KLC2: variants seen among roughly 807,000 people sequenced by gnomAD.
KLC2 encodes the protein KLC 2.
Under a neutral mutation model 75.1 loss-of-function variants are expected in KLC2, and 35 were observed. That is an observed-to-expected ratio of 0.47 (90% CI 0.36 to 0.62). KLC2 has a LOEUF of 0.62. Among genes scored for constraint, KLC2 ranks in the 20% least tolerant of loss-of-function variants. KLC2 has a pLI of 0.00. For synonymous variants in KLC2, 314 were observed against 336.7 expected (o/e 0.93, Z 0.74); for missense variants, 611 against 833.2 (o/e 0.73, Z 3.28).
upstream of KLC2, among the ~76,000 whole-genome samples, chr11:66,253,031 CAG>C (rs911225740): frequency 2.3e-5 from 3 of 129,058 alleles, no homozygotes; most frequent in African/African-American, 5.8e-5. Flanking sequence ...TTTTTTGAGA[CAG>C]AGTCTCACTC....
Position 66,265,887 on chromosome 11 carries a change from G to A in KLC2, c.1477G>A (p.Glu493Lys), listed in dbSNP as rs202239902. The A allele has an allele frequency of 1.7e-5, 27 of 1,578,444 alleles. No individual in the cohort carries two copies. The East Asian group carries it at 4.3e-4, about 25-fold the overall frequency. ...CCCCGCAAGCCAGACCAAGGTGGTA[G>A]AACTGCTGAAAGATGGCAGTGGCAG... ...LDPASQTKVV[E>K]LLKDGSGRRG... is the part of the protein sequence containing the mutation. The change falls in exon 13 of 16, where the codon GAA becomes AAA. Residue 493 changes from glutamate (E) to lysine (K), a missense_variant. Transcript: ENST00000394067.
At chr11:66,247,058 C>G in the KLC2 span, among the ~76,000 whole-genome samples, 6 of 152,176 alleles carry the variant, frequency 3.9e-5, no homozygotes, top group Non-Finnish European at 7.3e-5. Context: ...GGAGACTTCC[C>G]TCCTAGTAAA....
the KLC2 span, among the ~76,000 whole-genome samples, chr11:66,249,821 G>A: frequency 2.0e-5 from 3 of 152,048 alleles, no homozygotes; most frequent in Non-Finnish European, 2.9e-5. Flanking sequence ...CCAGAAACCC[G>A]GACTCATCCT....
chr11:66,258,495 T>C (rs1043444712), intron 1 of KLC2, 89 bp from the exon 2 acceptor site: 12 of 863,818 alleles, frequency 1.4e-5, no homozygotes, highest in Admixed American at 6.7e-5. Flanking sequence ...GACTCAGGCG[T>C]CCGGGGACCG....
At chr11:66,263,773 G>T (rs766654223) in intron 6 of KLC2, 26 bp downstream of exon 6, 3 of 1,608,784 alleles carry the variant, frequency 1.9e-6, no homozygotes, top group Non-Finnish European at 2.6e-6. Flanking sequence ...GTGGGAGGTG[G>T]GGGCTGTGCC....
chr11:66,264,320 C>T (rs766834771), intron 8 of KLC2, 25 bp from the exon 9 acceptor site: 16 of 1,598,992 alleles, frequency 1.0e-5, no homozygotes, highest in Non-Finnish European at 1.3e-5. Flanking sequence ...GCATCCCGCT[C>T]ACTCTCTGGG....
In KLC2 at chr11:66,267,262, G is replaced by A. The variant is rs1856899281; in HGVS notation, c.*306G>A. 2 of 1,334,832 alleles carry A rather than the reference G, an allele frequency of 1.5e-6. No homozygotes were observed. The highest frequency in any genetic ancestry group is 2.1e-6 in the Non-Finnish European group (2 of 950,068). The allele number at this position is 1,334,832 out of a possible 1,614,324, so 82.7% of individuals were successfully genotyped here. ...TGGCCTGGCCTCCCCAGACCCCAGAGCCAAGAACACTAAGCACTCGCCGGC... is the reference window on the plus strand; with the variant it reads ...TGGCCTGGCCTCCCCAGACCCCAGAACCAAGAACACTAAGCACTCGCCGGC... On this transcript the variant is annotated 3_prime_UTR_variant, in exon 16 of 16. Transcript: ENST00000394067.
chr11:66,253,911 A>G (rs1855983214), upstream of KLC2, among the ~76,000 whole-genome samples: 1 of 152,232 alleles, frequency 6.6e-6, no homozygotes, highest in Non-Finnish European at 1.5e-5. Context: ...ACAAAGGGAG[A>G]TTGAGAAGTG....
At chr11:66,251,085 A>G in the KLC2 span, among the ~76,000 whole-genome samples, 1 of 152,294 alleles carries the variant, frequency 6.6e-6, no homozygotes, top group Middle Eastern at 3.4e-3. Context: ...TGCAGCAGCC[A>G]TTTAGAAAAG....
Position 66,266,497 on chromosome 11 carries a change from G to A in KLC2, c.1785+7G>A, listed in dbSNP as rs201804962. ...CGTGGAAGAGCCGACCCAGGTAGGG[G>A]CAGGCGGGTGTCTGGGCACTGGGCA... On this transcript the variant is annotated splice_region_variant and intron_variant, in intron 15 of 15. Coordinates refer to ENST00000394067, the MANE Select transcript of KLC2 (RefSeq NM_001318734.2). 1.2e-5 allele frequency: 20 copies of A among 1,613,796 alleles called. No homozygotes were observed. Among genetic ancestry groups the A allele is most frequent in the Non-Finnish European group, 1.6e-5 (19 of 1,179,896 alleles).
the KLC2 span, among the ~76,000 whole-genome samples, chr11:66,251,702 G>A: frequency 6.6e-6 from 1 of 152,212 alleles, no homozygotes; most frequent in Non-Finnish European, 1.5e-5. Context: ...AACCCTGGTA[G>A]CAGAGGTTAC....
At chr11:66,256,257 G>A (rs1856032181), upstream of KLC2, among the ~76,000 whole-genome samples, 1 of 151,642 alleles carries the variant, frequency 6.6e-6, no homozygotes, top group African/African-American at 2.4e-5. Flanking sequence ...AAAAAAGCCA[G>A]GTGTAGTGGC....
chr11:66,266,235 G>T lies in KLC2; in HGVS notation c.1727+18G>T, dbSNP rs1241586209. The T allele has an allele frequency of 1.9e-6, 3 of 1,587,766 alleles. No homozygotes were observed. In the African/African-American group the frequency reaches 4.0e-5, roughly 21 times the overall value. ...AACCCCAGGTGAGCCCCCCACCAAG[G>T]TGAGCCTCAAGAACCACCCAGCAAC... On this transcript the variant is annotated intron_variant, in intron 14 of 15. Coordinates refer to ENST00000394067, the MANE Select transcript of KLC2 (RefSeq NM_001318734.2).
intron 1 of KLC2, 103 bp downstream of exon 1, chr11:66,257,974 T>A: frequency 6.7e-6 from 1 of 150,224 alleles, no homozygotes; most frequent in Non-Finnish European, 1.5e-5. Flanking sequence ...GCGCGGCCTG[T>A]GGGAGGATCG....
chr11:66,259,537 T>A (rs1856242260), intron 2 of KLC2: 1 of 152,274 alleles, frequency 6.6e-6, no homozygotes, highest in Non-Finnish European at 1.5e-5. Context: ...AGAAGAGGCC[T>A]GGGGAGAAGC....
At chr11:66,258,287 C>T in intron 1 of KLC2, 1 of 417,434 alleles carries the variant, frequency 2.4e-6, no homozygotes, top group Non-Finnish European at 4.4e-6. Context: ...GTTCCCCATA[C>T]CTGTCCTGGT....
At chr11:66,260,101 T>G (rs1275252028) in intron 2 of KLC2, among the ~76,000 whole-genome samples, 1 of 152,182 alleles carries the variant, frequency 6.6e-6, no homozygotes, top group Non-Finnish European at 1.5e-5. Flanking sequence ...TGTATCATTT[T>G]GGTTTCCTTG....
At chr11:66,258,954 T>TAAATA (rs1177317511) in intron 2 of KLC2, 132 bp downstream of exon 2, 8 of 645,574 alleles carry the variant, frequency 1.2e-5, no homozygotes, top group Non-Finnish European at 2.1e-5. Flanking sequence ...AGGACCCCAG[T>TAAATA]AAATACCTTT....
chr11:66,252,833 A>C (rs969252861), upstream of KLC2, among the ~76,000 whole-genome samples: 1 of 152,060 alleles, frequency 6.6e-6, no homozygotes, highest in Non-Finnish European at 1.5e-5. Context: ...GACAGGAACC[A>C]GGAGCCTCTG....
Sources: gnomAD v4.1 joint callset for allele counts (sites outside exome capture counted in the v4.1 genomes callset) on GRCh38, gnomAD v4.1.1 for gene constraint, MANE v1.5 for transcripts, NCBI Gene and HGNC (gene_info 2026-07-23, HGNC 2026-07-21) for gene names.